MYO18B: variants seen among roughly 807,000 people sequenced by gnomAD.
The protein encoded by MYO18B is myosin XVIIIB.
A neutral mutation model predicts 273.0 loss-of-function variants in MYO18B; 204 were observed. The ratio of observed to expected loss-of-function variants is 0.75; its 90% confidence interval spans 0.67 to 0.84. MYO18B has a LOEUF of 0.84. MYO18B is among the 40% of genes least tolerant of loss of function. The pLI, the probability that MYO18B is intolerant of heterozygous loss-of-function variation, is 0.00. For synonymous variants in MYO18B, 1,330 were observed against 1,305.7 expected (o/e 1.02, Z -0.40); for missense variants, 3,212 against 3,287.6 (o/e 0.98, Z 0.56).
the MYO18B span, among the ~76,000 whole-genome samples, chr22:26,049,122 T>G: frequency 6.6e-6 from 1 of 152,152 alleles, no homozygotes. Flanking sequence ...AATAGCAGAC[T>G]ACCAGGACAG....
chr22:25,885,015 A>G (rs2091456028), intron 25 of MYO18B: 1 of 152,210 alleles, frequency 6.6e-6, no homozygotes, highest in Non-Finnish European at 1.5e-5. Flanking sequence ...TCCTCAAAGA[A>G]AATGACATAT....
At chr22:25,887,137 C>T (rs1162909106) in intron 25 of MYO18B, among the ~76,000 whole-genome samples, 2 of 152,172 alleles carry the variant, frequency 1.3e-5, no homozygotes, top group Non-Finnish European at 2.9e-5. Flanking sequence ...AATATAAGAG[C>T]TGAGGACAGG....
chr22:26,040,630 G>A, the MYO18B span, among the ~76,000 whole-genome samples: 7 of 152,168 alleles, frequency 4.6e-5, no homozygotes, highest in Admixed American at 4.6e-4. Context: ...GGCCTCCTTG[G>A]GAAATATATT....
chr22:25,882,153 G>C (rs909784171), intron 25 of MYO18B, among the ~76,000 whole-genome samples: 3 of 152,118 alleles, frequency 2.0e-5, no homozygotes, highest in Non-Finnish European at 4.4e-5. Context: ...CTTTCCTAGT[G>C]ACCTCCTTTA....
chr22:25,789,069 C>T (rs200752504), intron 11 of MYO18B, among the ~76,000 whole-genome samples: 2 of 4,044 alleles, frequency 4.9e-4, no homozygotes, highest in Non-Finnish European at 2.2e-3. Flanking sequence ...TTCTCCTCCT[C>T]CTCCTCCTTC....
intron 38 of MYO18B, 47 bp from the exon 39 acceptor site, chr22:25,955,132 C>G (rs1312704180): frequency 6.6e-7 from 1 of 1,511,250 alleles, no homozygotes; most frequent in Non-Finnish European, 8.9e-7. Flanking sequence ...TGTTTCATAC[C>G]CCTGGCCTCC....
chr22:26,035,624 T>G (rs1936763269), downstream of MYO18B, among the ~76,000 whole-genome samples: 1 of 152,234 alleles, frequency 6.6e-6, no homozygotes, highest in Non-Finnish European at 1.5e-5. Context: ...GGGTTTGACC[T>G]AGGTCTGGCT....
chr22:25,954,408 C>A (rs1006365139), intron 38 of MYO18B, among the ~76,000 whole-genome samples: 1 of 151,766 alleles, frequency 6.6e-6, no homozygotes, highest in Non-Finnish European at 1.5e-5. Flanking sequence ...CTCTTCATTG[C>A]ACCAGCCCCT....
At chr22:25,813,975 A>G (rs2088881296) in intron 12 of MYO18B, among the ~76,000 whole-genome samples, 1 of 152,212 alleles carries the variant, frequency 6.6e-6, no homozygotes. Context: ...GCAGGGATTT[A>G]TTCTGCATTT....
intron 8 of MYO18B, among the ~76,000 whole-genome samples, chr22:25,778,514 C>T (rs1050923526): frequency 1.3e-5 from 2 of 152,116 alleles, no homozygotes; most frequent in African/African-American, 2.4e-5. Flanking sequence ...GGGTCTCACT[C>T]TCTCACCCAG....
chr22:25,748,702 C>T (rs1486778841), intron 1 of MYO18B, among the ~76,000 whole-genome samples: 1 of 152,200 alleles, frequency 6.6e-6, no homozygotes, highest in Non-Finnish European at 1.5e-5. Flanking sequence ...CCTCCCTCTT[C>T]AACATTTCAT....
At chr22:26,025,740 T>C (rs2147010977) in intron 42 of MYO18B, among the ~76,000 whole-genome samples, 1 of 152,314 alleles carries the variant, frequency 6.6e-6, no homozygotes, top group South Asian at 2.1e-4. Flanking sequence ...TATTTTACAG[T>C]CTATAATTTG....
In MYO18B at chr22:25,949,152, T is replaced by C. The variant is rs543328404; in HGVS notation, c.5749-1215T>C. ...GCAAGCTTTTCAGGGGCAAGAGCAG[T>C]TGGAGAGGAGCAGCCAGCATGCCAC... On this transcript the variant is annotated intron_variant, in intron 36 of 43. Transcript: ENST00000335473. Among the ~76,000 whole-genome samples, 116 of 152,166 alleles carry C rather than the reference T, an allele frequency of 7.6e-4. 1 individual carries two copies. Among genetic ancestry groups the C allele is most frequent in the South Asian group, 4.2e-3 (20 of 4,806 alleles).
At chr22:25,856,782 A>G (rs115582921) in intron 21 of MYO18B, among the ~76,000 whole-genome samples, 2,069 of 152,300 alleles carry the variant, frequency 0.014, 22 homozygotes, top group African/African-American at 0.036. Flanking sequence ...ACAGAAGCAA[A>G]TTCTGGGTTC....
intron 11 of MYO18B, among the ~76,000 whole-genome samples, chr22:25,793,727 G>T (rs2087779018): frequency 6.6e-6 from 1 of 152,200 alleles, no homozygotes; most frequent in Non-Finnish European, 1.5e-5. Context: ...AATGGAGAGA[G>T]AATATTTTGG....
intron 15 of MYO18B, among the ~76,000 whole-genome samples, chr22:25,830,999 G>A (rs542259714): frequency 2.0e-5 from 3 of 152,286 alleles, no homozygotes; most frequent in South Asian, 4.1e-4. Context: ...TAATTAAAAC[G>A]CTGGAAAGTT....
chr22:25,890,229 T>C (rs2091620014), intron 25 of MYO18B, among the ~76,000 whole-genome samples: 2 of 152,222 alleles, frequency 1.3e-5, no homozygotes, highest in African/African-American at 4.8e-5. Context: ...TGGATGTGCA[T>C]GCCTGTCACC....
downstream of MYO18B, among the ~76,000 whole-genome samples, chr22:26,033,196 TCTC>T (rs1338822937): frequency 1.3e-5 from 2 of 152,156 alleles, no homozygotes; most frequent in African/African-American, 4.8e-5. Context: ...ATGCACTTCT[TCTC>T]TTCATGTGCC....
At chr22:25,928,656 C>T (rs1160212399) in intron 34 of MYO18B, among the ~76,000 whole-genome samples, 2 of 152,122 alleles carry the variant, frequency 1.3e-5, no homozygotes, top group African/African-American at 4.8e-5. Context: ...TAAAACCCTC[C>T]TGATACAATA....
Sources: gnomAD v4.1 joint callset for allele counts (sites outside exome capture counted in the v4.1 genomes callset) on GRCh38, gnomAD v4.1.1 for gene constraint, MANE v1.5 for transcripts, NCBI Gene and HGNC (gene_info 2026-07-23, HGNC 2026-07-21) for gene names.